The following TENM3 variants were observed in gnomAD, a reference collection of about 807,000 sequenced individuals.
TENM3 encodes the protein teneurin-3.
TENM3 carries 63 observed loss-of-function variants against 255.1 expected under a neutral mutation model. The ratio of observed to expected loss-of-function variants is 0.25; its 90% CI spans 0.20 to 0.30. TENM3 has a LOEUF of 0.30. Among genes scored for constraint, TENM3 ranks in the 10% least tolerant of loss-of-function variants. The pLI is 1.00. For missense variants in TENM3, 2,929 were observed against 3,461.1 expected, an observed-to-expected ratio of 0.85 and a Z score of 3.86; for synonymous variants, 1,306 against 1,322.3, an observed-to-expected ratio of 0.99 and a Z score of 0.27.
At chr4:182,390,399 T>G (rs1284212777) in intron 3 of TENM3, among the ~76,000 whole-genome samples, 1 of 152,116 alleles carries the variant, frequency 6.6e-6, no homozygotes, top group African/African-American at 2.4e-5. Context: ...GCTATGGCCT[T>G]TTTGTTGTGG....
Position 182,298,984 on chromosome 4 carries a change from C to CAAAAAAAAAAAAA in TENM3, c.-75-24942_-75-24930dup, listed in dbSNP as rs11283401. ...TGGGCAACAGAGCAAGACTCCTTCT[C>CAAAAAAAAAAAAA]AAAAAAAAAAAAAAAAAAAAAAAAA... is the stretch of plus-strand genomic sequence containing the variant. On this transcript the variant is annotated intron_variant, in intron 1 of 27. Coordinates refer to ENST00000511685, the MANE Select transcript of TENM3 (RefSeq NM_001080477.4). Among the ~76,000 whole-genome samples the CAAAAAAAAAAAAA allele has an allele frequency of 1.8e-3, 45 of 25,556 alleles. 6 individuals carry two copies. Among genetic ancestry groups the CAAAAAAAAAAAAA allele is most frequent in the African/African-American group, 2.2e-3 (17 of 7,604 alleles). 16.8% of individuals were successfully genotyped at this position (25,556 alleles called of 152,430 possible).
At chr4:181,962,116 C>G in the TENM3 span, among the ~76,000 whole-genome samples, 1 of 152,142 alleles carries the variant, frequency 6.6e-6, no homozygotes, top group African/African-American at 2.4e-5. Context: ...AGATTAAACT[C>G]CAGTCAATGT....
At chr4:182,055,893 T>C in the TENM3 span, among the ~76,000 whole-genome samples, 1 of 152,084 alleles carries the variant, frequency 6.6e-6, no homozygotes, top group African/African-American at 2.4e-5. Flanking sequence ...AGGGAAACAA[T>C]AATTATATAC....
At chr4:181,898,871 A>G in the TENM3 span, among the ~76,000 whole-genome samples, 3 of 152,202 alleles carry the variant, frequency 2.0e-5, no homozygotes, top group Admixed American at 2.0e-4. Context: ...TATTGCAATT[A>G]CATCTTTTAT....
the TENM3 span, among the ~76,000 whole-genome samples, chr4:181,520,804 T>C: frequency 6.6e-6 from 1 of 152,054 alleles, no homozygotes; most frequent in Non-Finnish European, 1.5e-5. Flanking sequence ...TGTCTGTCCA[T>C]GTTGAACGCT....
the TENM3 span, among the ~76,000 whole-genome samples, chr4:182,103,777 A>T: frequency 6.6e-6 from 1 of 152,268 alleles, no homozygotes; most frequent in Non-Finnish European, 1.5e-5. Flanking sequence ...TTATAAGACT[A>T]CTGAGTGACA....
chr4:182,485,644 G>A (rs775194211), intron 3 of TENM3, among the ~76,000 whole-genome samples: 3 of 101,166 alleles, frequency 3.0e-5, no homozygotes, highest in African/African-American at 5.4e-5. Flanking sequence ...GTGTGATGGA[G>A]TTTGATATGA....
At chr4:181,757,369 T>C in the TENM3 span, among the ~76,000 whole-genome samples, 1 of 152,168 alleles carries the variant, frequency 6.6e-6, no homozygotes. Flanking sequence ...CTGTATCATA[T>C]GCAGACTCAA....
In TENM3 at chr4:182,176,821, A is replaced by AATTTTTTTTTTTTTTTTTTTTT. The variant is rs1561169609; in HGVS notation, c.-76+32067_-76+32068insATTTTTTTTTTTTTTTTTTTTT. 1.8e-5 allele frequency among the ~76,000 whole-genome samples: 2 copies of AATTTTTTTTTTTTTTTTTTTTT among 113,358 alleles called. 1 individual carries two copies. Among genetic ancestry groups the AATTTTTTTTTTTTTTTTTTTTT allele is most frequent in the Non-Finnish European group, 3.6e-5 (2 of 56,226 alleles). The allele number at this position is 113,358 out of a possible 152,430, so 74.4% of individuals were successfully genotyped here. On this transcript the variant is annotated intron_variant, in intron 1 of 2. Coordinates refer to the TENM3 transcript ENST00000512480. ...GGACTACTAAATTAGCATCCGGCTA[A>AATTTTTTTTTTTTTTTTTTTTT]TTTTTTTTTTTTTTTTTTTTTTTTT...
intron 7 of TENM3, among the ~76,000 whole-genome samples, chr4:182,676,483 A>C (rs1387876750): frequency 6.6e-6 from 1 of 152,212 alleles, no homozygotes; most frequent in Non-Finnish European, 1.5e-5. Flanking sequence ...ATGATCTGTA[A>C]AATCTCTTTA....
At chr4:182,645,560 C>T (rs1449410952) in intron 5 of TENM3, among the ~76,000 whole-genome samples, 1 of 152,148 alleles carries the variant, frequency 6.6e-6, no homozygotes, top group Non-Finnish European at 1.5e-5. Context: ...AGCTGGGTGC[C>T]TCTGCCTCAC....
intron 3 of TENM3, among the ~76,000 whole-genome samples, chr4:182,596,141 T>C (rs1747195809): frequency 6.6e-6 from 1 of 152,100 alleles, no homozygotes; most frequent in African/African-American, 2.4e-5. Flanking sequence ...CCAAAAAAAT[T>C]TGAGTTAGAA....
At chr4:182,600,454 T>TAACTGTA (rs1298103772) in intron 3 of TENM3, among the ~76,000 whole-genome samples, 1 of 152,202 alleles carries the variant, frequency 6.6e-6, no homozygotes, top group Non-Finnish European at 1.5e-5. Context: ...TGTAATAATT[T>TAACTGTA]ATTGCAGTTA....
chr4:181,468,239 A>G, the TENM3 span, among the ~76,000 whole-genome samples: 4 of 152,202 alleles, frequency 2.6e-5, no homozygotes, highest in South Asian at 8.3e-4. Context: ...GCACCACTGC[A>G]CTCCAGCCTG....
At chr4:182,155,330 AAT>A (rs1750630200) in intron 1 of TENM3, among the ~76,000 whole-genome samples, 1 of 152,168 alleles carries the variant, frequency 6.6e-6, no homozygotes, top group African/African-American at 2.4e-5. Context: ...CAGTATAAGT[AAT>A]TCTGGTGTCT....
In TENM3 at chr4:182,249,928, A is replaced by AC. The variant is rs1255507523; in HGVS notation, c.-76+6453dup. Among the ~76,000 whole-genome samples, 4 of 151,242 alleles carry AC rather than the reference A, an allele frequency of 2.6e-5. No individual in the cohort carries two copies. The East Asian group carries it at 7.8e-4, about 30-fold the overall frequency. On this transcript the variant is annotated intron_variant, in intron 1 of 27. Coordinates refer to ENST00000511685, the MANE Select transcript of TENM3 (RefSeq NM_001080477.4). ...CAAGTATGCACCACTATGCCTGGCT[A>AC]CTTTTTTTTAAGAGATGGAGTCTCG...
the TENM3 span, among the ~76,000 whole-genome samples, chr4:181,940,187 T>C: frequency 9.2e-5 from 14 of 152,252 alleles, 1 homozygote; most frequent in Admixed American, 9.2e-4. Flanking sequence ...TTTTTTATAA[T>C]GTAAAGTTGG....
chr4:182,302,145 A>C (rs1392699316), intron 1 of TENM3, among the ~76,000 whole-genome samples: 2 of 152,158 alleles, frequency 1.3e-5, no homozygotes, highest in Non-Finnish European at 2.9e-5. Flanking sequence ...AATCCATCCA[A>C]AAAAGAAAAG....
At chr4:181,469,201 G>A in the TENM3 span, among the ~76,000 whole-genome samples, 169 of 152,242 alleles carry the variant, frequency 1.1e-3, 3 homozygotes, top group South Asian at 0.027. Flanking sequence ...CCTGGCTTAA[G>A]AGTACAATAT....
Sources: allele counts gnomAD v4.1 joint callset (sites outside exome capture counted in the v4.1 genomes callset), GRCh38; gene constraint gnomAD v4.1.1; transcripts MANE v1.5; gene names NCBI Gene and HGNC (gene_info 2026-07-23, HGNC 2026-07-21).